Variants in SH3BP5 observed in about 807,000 individuals in gnomAD.
SH3BP5 encodes SH3 domain-binding protein 5.
Under a neutral mutation model 43.3 loss-of-function variants are expected in SH3BP5, and 22 were observed. The ratio of observed to expected loss-of-function variants is 0.51; its 90% CI spans 0.36 to 0.73. The LOEUF (loss-of-function observed/expected upper bound fraction) is 0.73, where lower values mean the gene tolerates loss of function less well. Among genes scored for constraint, SH3BP5 ranks in the 30% least tolerant of loss-of-function variants. The probability of loss-of-function intolerance (pLI) is 0.00; values close to 1 mark genes in which losing one functional copy is unlikely to be tolerated. For synonymous variants in SH3BP5, 255 were observed against 225.8 expected, an observed-to-expected ratio of 1.13 and a Z score of -1.16; for missense variants, 529 against 586.9, an observed-to-expected ratio of 0.90 and a Z score of 1.02.
intron 2 of SH3BP5, among the ~76,000 whole-genome samples, chr3:15,320,368 T>C (rs1178918181): frequency 6.6e-6 from 1 of 152,138 alleles, no homozygotes; most frequent in Non-Finnish European, 1.5e-5. Flanking sequence ...ATTTTTTCCA[T>C]CTTCCTTTAA....
At chr3:15,273,149 T>C in intron 3 of SH3BP5, 2 of 985,414 alleles carry the variant, frequency 2.0e-6, no homozygotes, top group Non-Finnish European at 2.4e-6. Flanking sequence ...GGAGACAGGA[T>C]GAATCCCACA....
rs73146051 is a variant in SH3BP5, at chr3:15,283,856, G to T, written c.331-13979C>A. Among the ~76,000 whole-genome samples the T allele has an allele frequency of 2.8e-3, 419 of 152,320 alleles. 6 individuals are homozygous for T. Among genetic ancestry groups the T allele is most frequent in the African/African-American group, 9.6e-3 (397 of 41,562 alleles). ...GGAGGATAAAGGAGCCAGGACAGGG[G>T]TGTTTATGAAACCTCTACTATATGC... On this transcript the variant is annotated intron_variant, in intron 3 of 8. Coordinates refer to ENST00000383791, the MANE Select transcript of SH3BP5 (RefSeq NM_004844.5).
chr3:15,303,942 G>A (rs1304291474), intron 3 of SH3BP5, among the ~76,000 whole-genome samples, 161 bp downstream of exon 3: 3 of 152,084 alleles, frequency 2.0e-5, no homozygotes, highest in African/African-American at 7.3e-5. Context: ...TAATAGTGTC[G>A]AGCACTGGAA....
At chr3:15,316,413 C>T (rs1209888775) in intron 2 of SH3BP5, among the ~76,000 whole-genome samples, 3 of 151,764 alleles carry the variant, frequency 2.0e-5, no homozygotes, top group African/African-American at 2.4e-5. Flanking sequence ...TTAGCAGAGA[C>T]GGGGTTTCAC....
intron 2 of SH3BP5, among the ~76,000 whole-genome samples, chr3:15,322,128 G>C (rs1052166911): frequency 2.6e-5 from 4 of 151,972 alleles, no homozygotes; most frequent in African/African-American, 7.3e-5. Context: ...GCTTGAACCT[G>C]GGAGGTGGAG....
At chr3:15,257,882 G>A (rs980329012) in intron 7 of SH3BP5, among the ~76,000 whole-genome samples, 2 of 152,014 alleles carry the variant, frequency 1.3e-5, no homozygotes, top group Non-Finnish European at 2.9e-5. Flanking sequence ...TTCCATAAAG[G>A]TTTCTTATAA....
chr3:15,323,127 C>CAAATAAATAAATAAAT lies in SH3BP5; in HGVS notation c.201+7361_201+7376dup, dbSNP rs141252585. ...CACTCCGGTTTTTGAGACCCTGTCT[C>CAAATAAATAAATAAAT]AAATAAATAAATAAATAAATAAATA... is the stretch of plus-strand genomic sequence containing the variant. On this transcript the variant is annotated intron_variant, in intron 2 of 8. Coordinates refer to ENST00000383791, the MANE Select transcript of SH3BP5 (RefSeq NM_004844.5). 9.5e-3 allele frequency among the ~76,000 whole-genome samples: 1,394 copies of CAAATAAATAAATAAAT among 146,156 alleles called. 8 individuals are homozygous for CAAATAAATAAATAAAT. Among genetic ancestry groups the CAAATAAATAAATAAAT allele is most frequent in the African/African-American group, 0.014 (542 of 39,274 alleles).
rs912487832 is a variant in SH3BP5 at position 15,258,878 on chromosome 3, G to A, written c.842C>T (p.Ser281Phe). 1.9e-6 allele frequency: 3 copies of A among 1,614,220 alleles called. No individual in the cohort carries two copies. The highest frequency in any genetic ancestry group is 1.7e-6 in the Non-Finnish European group (2 of 1,180,038). Residue 281 changes from serine (S) to phenylalanine (F), a missense_variant, in exon 7 of 9, where the codon TCT becomes TTT. This residue lies in a region of SH3BP5 where 369 missense variants were observed against 384.3 expected (regional missense o/e 0.96). Transcript: ENST00000383791. Reference sequence around the variant, plus strand: ...TTTGCTCCCTGGCAGATCCTCCACAGATGTGCTGCTGCCCTCAGCACCAAC... The same window carrying A: ...TTTGCTCCCTGGCAGATCCTCCACAAATGTGCTGCTGCCCTCAGCACCAAC... ...CGVGAEGSSTSVEDLPGSKPE... is the reference protein window; with the variant it reads ...CGVGAEGSSTFVEDLPGSKPE...
intron 8 of SH3BP5, 27 bp downstream of exon 8, chr3:15,256,826 G>T: frequency 6.3e-7 from 1 of 1,585,634 alleles, no homozygotes; most frequent in Non-Finnish European, 8.6e-7. Context: ...GTGGCATCTG[G>T]GACGGGGTGA....
intron 4 of SH3BP5, among the ~76,000 whole-genome samples, chr3:15,263,606 T>A (rs537987545): frequency 6.6e-6 from 1 of 152,168 alleles, no homozygotes; most frequent in Non-Finnish European, 1.5e-5. Context: ...CTTTGTTAAG[T>A]CTGTTGAAAA....
chr3:15,281,146 A>G (rs1183364450), intron 3 of SH3BP5, among the ~76,000 whole-genome samples: 1 of 152,234 alleles, frequency 6.6e-6, no homozygotes. Context: ...CTGGGATGCC[A>G]GAAGAGGAAA....
chr3:15,328,790 A>C (rs1459234187), intron 2 of SH3BP5, among the ~76,000 whole-genome samples: 1 of 152,128 alleles, frequency 6.6e-6, no homozygotes, highest in Non-Finnish European at 1.5e-5. Context: ...GAGGCGTCAT[A>C]GTACCAGAAG....
rs910075718 is a variant in SH3BP5 at position 15,257,037 on chromosome 3, G to A, written c.966C>T (p.Ser322=). The change falls in exon 8 of 9, where the codon TCC becomes TCT. Residue 322 remains serine, a synonymous_variant. Coordinates refer to ENST00000383791, the MANE Select transcript of SH3BP5 (RefSeq NM_004844.5). Reference sequence around the variant, plus strand: ...GGCTTGTTGGTCCTGAACTAAAGCTGGACACGGACTGGGTTTCCGAGTCAT... The same window carrying A: ...GGCTTGTTGGTCCTGAACTAAAGCTAGACACGGACTGGGTTTCCGAGTCAT... The part of the protein sequence containing the change: ...SEDDSETQSV[S]SFSSGPTSPS... 10 of 1,614,168 alleles carry A rather than the reference G, an allele frequency of 6.2e-6. No individual in the cohort carries two copies. The highest frequency in any genetic ancestry group is 8.5e-6 in the Non-Finnish European group (10 of 1,180,018).
chr3:15,315,266 G>C (rs933770291), intron 2 of SH3BP5, among the ~76,000 whole-genome samples: 1 of 151,992 alleles, frequency 6.6e-6, no homozygotes, highest in African/African-American at 2.4e-5. Context: ...CCTCCCTTGA[G>C]TTCCATGAGA....
chr3:15,292,742 G>C (rs989338903), intron 3 of SH3BP5, among the ~76,000 whole-genome samples: 1 of 152,166 alleles, frequency 6.6e-6, no homozygotes, highest in African/African-American at 2.4e-5. Context: ...CAGCTACTCG[G>C]GAGGCTGAAG....
chr3:15,276,859 T>C (rs903140531), intron 3 of SH3BP5, among the ~76,000 whole-genome samples: 1 of 152,246 alleles, frequency 6.6e-6, no homozygotes, highest in Non-Finnish European at 1.5e-5. Flanking sequence ...GTGTTCTGAA[T>C]ATAGTACATT....
At chr3:15,315,490 C>T (rs1232231018) in intron 2 of SH3BP5, among the ~76,000 whole-genome samples, 1 of 152,172 alleles carries the variant, frequency 6.6e-6, no homozygotes, top group Non-Finnish European at 1.5e-5. Context: ...TCTGAACCAC[C>T]AAGAGGTTCC....
chr3:15,324,753 T>C (rs1698417605), intron 2 of SH3BP5, among the ~76,000 whole-genome samples: 1 of 151,478 alleles, frequency 6.6e-6, no homozygotes, highest in Admixed American at 6.6e-5. Context: ...TGATTTGTGC[T>C]AATAATTCAT....
In SH3BP5 at chr3:15,256,184, C is replaced by T. The variant is rs1413415920; in HGVS notation, c.1270G>A (p.Gly424Ser). 1 of 1,614,148 alleles carries T rather than the reference C, an allele frequency of 6.2e-7. No individual in the cohort carries two copies. Among genetic ancestry groups the T allele is most frequent in the East Asian group, 2.2e-5 (1 of 44,886 alleles). ...TTCATCCGGTTCTCCAAGGCCTGGCCCTCAGGGGAGGTGCTGCTTTGGCTC... is the reference window on the plus strand; with the variant it reads ...TTCATCCGGTTCTCCAAGGCCTGGCTCTCAGGGGAGGTGCTGCTTTGGCTC... Reference protein sequence around the residue: ...SKSQSSTSPEGQALENRMKQL... With the variant: ...SKSQSSTSPESQALENRMKQL... The change falls in exon 9 of 9, where the codon GGC (glycine) becomes AGC (serine). Residue 424 changes from glycine (G) to serine (S), a missense_variant. Gly to Ser is a moderately conservative substitution (Grantham distance 56, BLOSUM62 0). Coordinates refer to ENST00000383791, the MANE Select transcript of SH3BP5 (RefSeq NM_004844.5).
Sources: allele counts gnomAD v4.1 joint callset (sites outside exome capture counted in the v4.1 genomes callset), GRCh38; gene constraint gnomAD v4.1.1; regional missense constraint gnomAD v4.1.1; transcripts MANE v1.5; gene names NCBI Gene and HGNC (gene_info 2026-07-23, HGNC 2026-07-21).